PHF19: variants seen among roughly 807,000 people sequenced by gnomAD.
The protein encoded by PHF19 is polycomb like 3.
Under a neutral mutation model 79.8 loss-of-function variants are expected in PHF19, and 21 were observed. The ratio of observed to expected loss-of-function variants is 0.26; its 90% CI spans 0.19 to 0.38. PHF19 has a LOEUF of 0.38. PHF19 is among the 10% of genes least tolerant of loss of function. The pLI is 1.00. For missense variants in PHF19, 445 were observed against 744.2 expected (o/e 0.60, Z 4.68); for synonymous variants, 273 against 296.3 (o/e 0.92, Z 0.81).
At chr9:120,878,854 C>T (rs2046134379), upstream of PHF19, among the ~76,000 whole-genome samples, 1 of 152,234 alleles carries the variant, frequency 6.6e-6, no homozygotes. Flanking sequence ...GATTGTGCTA[C>T]TTAACCATGT....
chr9:120,896,513 G>A (rs559136313), upstream of PHF19, among the ~76,000 whole-genome samples: 99 of 143,658 alleles, frequency 6.9e-4, no homozygotes, highest in Admixed American at 6.6e-4. Context: ...GTGCAGTGGC[G>A]CGATCTCGAC....
Position 120,894,684 on chromosome 9 carries a change from C to T in PHF19, c.42+104G>A, listed in dbSNP as rs577351462. The T allele has an allele frequency of 2.8e-5, 12 of 423,814 alleles. No homozygotes were observed. The South Asian group carries it at 3.3e-4, about 12-fold the overall frequency. The allele number at this position is 423,814 out of a possible 1,614,324, so 26.3% of individuals were successfully genotyped here. On this transcript the variant is annotated intron_variant, in intron 1 of 14. Transcript: ENST00000616568. Reference sequence around the variant, plus strand: ...CCCCGCGCGTTTGGAATGCGAGCGCCGCTCAATGCGTTCCATATGGCGGCG... The same window carrying T: ...CCCCGCGCGTTTGGAATGCGAGCGCTGCTCAATGCGTTCCATATGGCGGCG...
At position 120,894,802 on chromosome 9, in the gene PHF19, A is replaced by G. The variant is rs1588142773; in HGVS notation, c.28T>C (p.Tyr10His). 5 of 1,230,396 alleles carry G rather than the reference A, an allele frequency of 4.1e-6. No homozygotes were observed. In the Middle Eastern group the frequency reaches 9.4e-4, roughly 230 times the overall value. 76.2% of individuals were successfully genotyped at this position (1,230,396 alleles called of 1,614,324 possible). Residue 10 changes from tyrosine to histidine, a missense_variant, in exon 1 of 15, where the codon TAT becomes CAT. Coordinates refer to the PHF19 transcript ENST00000616568. The stretch of plus-strand genomic sequence containing the variant: ...CCCGGACCCACCTGGGCGCTGGGAT[A>G]GGGACCACGGATTACCAAGACCAGC...
chr9:120,858,178 A>C lies in PHF19; in HGVS notation c.1509T>G (p.Ser503Arg). 6.2e-7 allele frequency: 1 copy of C among 1,606,440 alleles called. No individual in the cohort carries two copies. Among genetic ancestry groups the C allele is most frequent in the Non-Finnish European group, 8.5e-7 (1 of 1,173,822 alleles). ...GCTCGGGGACTGAAGCCCCCTCTGC[A>C]CTGCTGTCCGAGGGGCAGCGTCCAT... Reference protein sequence around the residue: ...ELDGRCPSDSSAEGASVPERP... With the variant: ...ELDGRCPSDSRAEGASVPERP... Residue 503 changes from serine to arginine, a missense_variant, in exon 15 of 15, where the codon AGT becomes AGG. Around this residue, in one of 5 missense-constraint regions of PHF19, gnomAD observed 125 missense variants for 180.5 expected, o/e 0.69. Coordinates refer to ENST00000373896, the MANE Select transcript of PHF19 (RefSeq NM_015651.3).
Position 120,874,109 on chromosome 9 carries a change from C to A in PHF19, c.187-49G>T. 1.1e-6 allele frequency: 1 copy of A among 942,534 alleles called. No individual in the cohort carries two copies. Among genetic ancestry groups the A allele is most frequent in the South Asian group, 1.4e-5 (1 of 72,688 alleles). 58.4% of individuals were successfully genotyped at this position (942,534 alleles called of 1,614,324 possible). A position where few individuals can be genotyped will look rare whatever the true frequency, so the allele number is the denominator to read the frequency against. ...AAGTGAGAAAGGGCTGGGGAAAAGC[C>A]AACCTGGAACATAGTCTTCCTCCCC... On this transcript the variant is annotated intron_variant, in intron 2 of 14. Transcript: ENST00000373896. The surrounding 1 kb of genome is among the most constrained non-coding windows in gnomAD (Gnocchi z 4.5).
Position 120,862,565 on chromosome 9 carries a change from C to T in PHF19, c.1130+23G>A. 1 of 1,606,238 alleles carries T rather than the reference C, an allele frequency of 6.2e-7. No individual in the cohort carries two copies. Among genetic ancestry groups the T allele is most frequent in the African/African-American group, 1.3e-5 (1 of 74,828 alleles). On this transcript the variant is annotated intron_variant, in intron 11 of 14. Transcript: ENST00000373896. The surrounding 1 kb of genome is among the most constrained non-coding windows in gnomAD (Gnocchi z 4.6). Reference sequence around the variant, plus strand: ...AAACCGAGTTTGGCGGCAGCCCTGGCCCCTGGGTCCCCGAGCACTGACCCA... The same window carrying T: ...AAACCGAGTTTGGCGGCAGCCCTGGTCCCTGGGTCCCCGAGCACTGACCCA...
In PHF19 at chr9:120,869,625, G is replaced by A. The variant is rs1326312645; in HGVS notation, c.465+220C>T. On this transcript the variant is annotated intron_variant, in intron 5 of 14. Coordinates refer to ENST00000373896, the MANE Select transcript of PHF19 (RefSeq NM_015651.3). The surrounding 1 kb of genome is among the most constrained non-coding windows in gnomAD (Gnocchi z 5.8). ...TAGTAAAGCATCATTTATTGGTCCC[G>A]TTATTCCCGACACCAAACCCATCTC... is the stretch of plus-strand genomic sequence containing the variant. The A allele has an allele frequency of 1.3e-6, 2 of 1,522,482 alleles. No homozygotes were observed. The highest frequency in any genetic ancestry group is 1.2e-5 in the South Asian group (1 of 82,132). The allele number at this position is 1,522,482 out of a possible 1,614,324, so 94.3% of individuals were successfully genotyped here.
At position 120,857,940 on chromosome 9, in the gene PHF19, C is replaced by A. The variant is rs758365979; in HGVS notation, c.*4G>T. ...TCAGGACCCCTGGCACCCCCGGGGGCTAGTCAGTAAGGGGTGGTCCCTTCC... is the reference window on the plus strand; with the variant it reads ...TCAGGACCCCTGGCACCCCCGGGGGATAGTCAGTAAGGGGTGGTCCCTTCC... On this transcript the variant is annotated 3_prime_UTR_variant, in exon 15 of 15. Transcript: ENST00000373896. 6.4e-7 allele frequency: 1 copy of A among 1,553,128 alleles called. No individual in the cohort carries two copies. The highest frequency in any genetic ancestry group is 8.8e-7 in the Non-Finnish European group (1 of 1,138,742).
chr9:120,887,365 A>G (rs1230182780), intron 1 of PHF19, among the ~76,000 whole-genome samples: 4 of 152,100 alleles, frequency 2.6e-5, no homozygotes, highest in Non-Finnish European at 5.9e-5. Context: ...GAGGCAGGAG[A>G]ATCGCTTGAA....
At chr9:120,894,431 T>C (rs2046379009) in intron 1 of PHF19, among the ~76,000 whole-genome samples, 1 of 152,210 alleles carries the variant, frequency 6.6e-6, no homozygotes, top group Admixed American at 6.5e-5. Flanking sequence ...TACTTTTCTG[T>C]AATACAACAA....
upstream of PHF19, chr9:120,877,256 A>G (rs1178143861): frequency 8.1e-6 from 6 of 740,142 alleles, no homozygotes; most frequent in Admixed American, 7.0e-5. Context: ...CGCGGGGAGG[A>G]GGGGGAGGCG....
chr9:120,887,200 A>G (rs187937083), intron 1 of PHF19, among the ~76,000 whole-genome samples: 358 of 152,206 alleles, frequency 2.4e-3, no homozygotes, highest in African/African-American at 8.1e-3. Flanking sequence ...CACATCTATA[A>G]TCCCAGCTCT....
chr9:120,885,202 A>G (rs1452080885), intron 1 of PHF19, among the ~76,000 whole-genome samples: 1 of 152,230 alleles, frequency 6.6e-6, no homozygotes, highest in Non-Finnish European at 1.5e-5. Flanking sequence ...TGAGCAACAG[A>G]GTGAGACCCT....
intron 12 of PHF19, 37 bp downstream of exon 12, chr9:120,861,881 C>A: frequency 7.2e-7 from 1 of 1,393,452 alleles, no homozygotes; most frequent in Non-Finnish European, 1.0e-6. Flanking sequence ...GCTGACCCTG[C>A]GTATGAAAAT....
rs1488800192 is a variant in PHF19 at position 120,869,170 on chromosome 9, C to G, written c.614+12G>C. On this transcript the variant is annotated intron_variant, in intron 6 of 14. Transcript: ENST00000373896. This position sits in a 1 kb window ranked among gnomAD's most constrained non-coding sequence, Gnocchi z 5.8. ...GCCCTGCCGCCCGGGGGGCCCTGAC[C>G]CCCTGCCTTACTCTCCGGGCCCGCC... The G allele has an allele frequency of 1.9e-6, 3 of 1,603,178 alleles. No individual in the cohort carries two copies. The South Asian group carries it at 3.3e-5, about 18-fold the overall frequency.
intron 10 of PHF19, among the ~76,000 whole-genome samples, chr9:120,863,563 C>T (rs1350566493): frequency 2.0e-5 from 3 of 152,154 alleles, no homozygotes; most frequent in South Asian, 2.1e-4. Flanking sequence ...AAAGGGACAG[C>T]GGCAGAGGAC....
upstream of PHF19, among the ~76,000 whole-genome samples, chr9:120,897,634 A>G (rs2046412772): frequency 6.6e-6 from 1 of 152,172 alleles, no homozygotes; most frequent in Non-Finnish European, 1.5e-5. Flanking sequence ...TAACCTATCA[A>G]ATTTTTTTTT....
chr9:120,898,836 T>C (rs2046420359), upstream of PHF19, among the ~76,000 whole-genome samples: 1 of 152,228 alleles, frequency 6.6e-6, no homozygotes, highest in Non-Finnish European at 1.5e-5. Context: ...GAAAGTTTCA[T>C]GGAGCGATGT....
intron 1 of PHF19, among the ~76,000 whole-genome samples, chr9:120,883,095 CTG>C (rs1304463784): frequency 6.6e-6 from 1 of 152,178 alleles, no homozygotes; most frequent in East Asian, 1.9e-4. Flanking sequence ...CAGGGTCAGA[CTG>C]TGACCTGTTG....
Sources: gnomAD v4.1 joint callset for allele counts (sites outside exome capture counted in the v4.1 genomes callset) on GRCh38, gnomAD v4.1.1 for gene constraint, gnomAD v4.1.1 regional missense constraint, Gnocchi (gnomAD v3.1) non-coding constraint, MANE v1.5 for transcripts, NCBI Gene and HGNC (gene_info 2026-07-23, HGNC 2026-07-21) for gene names.